SCN1A: variants seen among roughly 807,000 people sequenced by gnomAD.
The protein encoded by SCN1A is sodium voltage-gated channel alpha subunit 1, also known as sodium channel protein type 1 subunit alpha.
Under a neutral mutation model 193.7 loss-of-function variants are expected in SCN1A, and 13 were observed. The ratio of observed to expected loss-of-function variants is 0.07; its 90% CI spans 0.04 to 0.11. The LOEUF is 0.11. SCN1A is among the 10% of genes least tolerant of loss of function. The pLI is 1.00. For synonymous variants in SCN1A, 781 were observed against 843.6 expected (o/e 0.93, Z 1.29); for missense variants, 1,432 against 2,451.1 (o/e 0.58, Z 8.78).
At chr2:166,063,876 A>G (rs973256479) in intron 4 of SCN1A, among the ~76,000 whole-genome samples, 6 of 152,072 alleles carry the variant, frequency 3.9e-5, no homozygotes, top group African/African-American at 1.4e-4. Flanking sequence ...ACACTTACAT[A>G]TTTCAAATAC....
intron 19 of SCN1A, among the ~76,000 whole-genome samples, chr2:166,028,559 C>A (rs927014594): frequency 6.6e-6 from 1 of 152,150 alleles, no homozygotes; most frequent in African/African-American, 2.4e-5. Flanking sequence ...ACCAATTATT[C>A]TGACCTCCTT....
intron 27 of SCN1A, among the ~76,000 whole-genome samples, chr2:165,994,651 AAAC>A (rs959663435): frequency 5.9e-5 from 2 of 33,724 alleles, no homozygotes; most frequent in African/African-American, 3.1e-4. Flanking sequence ...TTTCTGATAA[AAAC>A]AAACAAACAA....
intron 19 of SCN1A, among the ~76,000 whole-genome samples, chr2:166,019,772 G>A (rs886959945): frequency 6.6e-6 from 1 of 152,050 alleles, no homozygotes; most frequent in Non-Finnish European, 1.5e-5. Context: ...ACAAACATTT[G>A]GTGAATGAAT....
intron 2 of SCN1A, among the ~76,000 whole-genome samples, chr2:166,119,506 G>T (rs1690292163): frequency 6.6e-6 from 1 of 151,994 alleles, no homozygotes; most frequent in Non-Finnish European, 1.5e-5. Context: ...TCAATTTGAG[G>T]TCAAGTTTTG....
At chr2:166,059,553 A>G (rs930445655) in intron 4 of SCN1A, 3 of 152,194 alleles carry the variant, frequency 2.0e-5, no homozygotes, top group African/African-American at 7.2e-5. Context: ...CTCTGACTCA[A>G]TGTTTTCCAA....
chr2:166,042,537 A>G (rs1363635486), intron 14 of SCN1A, 113 bp from the exon 15 acceptor site: 1 of 946,582 alleles, frequency 1.1e-6, no homozygotes, highest in Admixed American at 1.9e-5. Context: ...GCACTTTCAT[A>G]TTCAATTGGT....
intron 5 of SCN1A, among the ~76,000 whole-genome samples, chr2:166,057,664 A>G (rs1157215888): frequency 1.3e-5 from 2 of 152,094 alleles, no homozygotes; most frequent in Non-Finnish European, 2.9e-5. Context: ...TTTTAGTAAT[A>G]GCATATTTAT....
chr2:166,134,550 C>T (rs1041712167), intron 1 of SCN1A, among the ~76,000 whole-genome samples: 4 of 152,148 alleles, frequency 2.6e-5, no homozygotes, highest in Non-Finnish European at 5.9e-5. Flanking sequence ...ACATGCGGTT[C>T]TTAAATATTA....
intron 19 of SCN1A, among the ~76,000 whole-genome samples, chr2:166,019,141 T>C (rs1170527069): frequency 6.6e-6 from 1 of 152,150 alleles, no homozygotes; most frequent in Non-Finnish European, 1.5e-5. Flanking sequence ...AATGGATGGA[T>C]ACAATATACT....
upstream of SCN1A, among the ~76,000 whole-genome samples, chr2:166,130,320 A>C (rs1326205996): frequency 6.6e-6 from 1 of 152,162 alleles, no homozygotes. Context: ...ACTTTTCCAG[A>C]TACTTAAGTA....
intron 5 of SCN1A, among the ~76,000 whole-genome samples, chr2:166,056,765 C>G (rs1328560509): frequency 6.6e-6 from 1 of 151,968 alleles, no homozygotes; most frequent in African/African-American, 2.4e-5. Context: ...GTTTTTACAA[C>G]TATTATTAAA....
intron 23 of SCN1A, among the ~76,000 whole-genome samples, chr2:166,004,684 C>T (rs1457508866): frequency 6.6e-6 from 1 of 151,410 alleles, no homozygotes; most frequent in Non-Finnish European, 1.5e-5. Flanking sequence ...TTTTAACTTC[C>T]CTGGTCATCT....
At chr2:166,035,491 G>C (rs1265540488) in intron 19 of SCN1A, among the ~76,000 whole-genome samples, 1 of 152,020 alleles carries the variant, frequency 6.6e-6, no homozygotes, top group Non-Finnish European at 1.5e-5. Flanking sequence ...AATAAATACA[G>C]GCAATATAAT....
At chr2:166,147,287 C>T (rs1428710392) in intron 1 of SCN1A, among the ~76,000 whole-genome samples, 1 of 152,136 alleles carries the variant, frequency 6.6e-6, no homozygotes, top group Non-Finnish European at 1.5e-5. Context: ...TGTAATCTCA[C>T]TTTAACATAG....
At chr2:166,081,125 G>C (rs1272653413) in intron 2 of SCN1A, among the ~76,000 whole-genome samples, 1 of 151,886 alleles carries the variant, frequency 6.6e-6, no homozygotes, top group Admixed American at 6.6e-5. Flanking sequence ...TTATACTTGA[G>C]GTGACTGGGA....
intron 23 of SCN1A, among the ~76,000 whole-genome samples, chr2:166,006,669 T>A (rs1691704922): frequency 6.6e-6 from 1 of 151,340 alleles, no homozygotes; most frequent in African/African-American, 2.4e-5. Context: ...TTGTTAACAT[T>A]TTGAAAATAA....
chr2:166,021,719 A>T (rs1694096484), intron 19 of SCN1A, among the ~76,000 whole-genome samples: 1 of 152,150 alleles, frequency 6.6e-6, no homozygotes, highest in African/African-American at 2.4e-5. Flanking sequence ...TCTGCAGATC[A>T]TAAGTTGTAC....
chr2:166,009,905 TAATAC>T, intron 22 of SCN1A, 64 bp from the exon 23 acceptor site: 1 of 1,459,042 alleles, frequency 6.9e-7, no homozygotes, highest in Non-Finnish European at 9.6e-7. Flanking sequence ...AGTTGCTATA[TAATAC>T]AACAAGTATA....
At chr2:166,132,087 C>T (rs531248743), upstream of SCN1A, among the ~76,000 whole-genome samples, 79 of 152,222 alleles carry the variant, frequency 5.2e-4, no homozygotes, top group African/African-American at 1.9e-3. Context: ...AACTTGAGTA[C>T]CTTGAGGTGG....
Sources: allele counts gnomAD v4.1 joint callset (sites outside exome capture counted in the v4.1 genomes callset), GRCh38; gene constraint gnomAD v4.1.1; transcripts MANE v1.5; gene names NCBI Gene and HGNC (gene_info 2026-07-23, HGNC 2026-07-21).